The following CFH variants were observed in gnomAD, a reference collection of about 807,000 sequenced individuals.
The protein encoded by CFH is H factor 1 (complement).
A neutral mutation model predicts 147.3 loss-of-function variants in CFH; 53 were observed. The observed-to-expected ratio is 0.36, with a 90% CI of 0.29 to 0.45. The LOEUF (loss-of-function observed/expected upper bound fraction) is 0.45, where lower values mean the gene tolerates loss of function less well. Among genes scored for constraint, CFH ranks in the 20% least tolerant of loss-of-function variants. The pLI, the probability that CFH is intolerant of heterozygous loss-of-function variation, is 1.00. For synonymous variants in CFH, 536 were observed against 489.4 expected (o/e 1.10, Z -1.26); for missense variants, 1,380 against 1,498.0 (o/e 0.92, Z 1.30).
chr1:196,747,076 C>G (rs1365246448), intron 21 of CFH, 35 bp from the exon 22 acceptor site: 5 of 1,612,258 alleles, frequency 3.1e-6, no homozygotes, highest in Non-Finnish European at 4.2e-6. Flanking sequence ...TTGCATACTA[C>G]TTAATGTTTT....
In CFH at chr1:196,736,947, A is replaced by G; in HGVS notation, c.2537A>G (p.Gln846Arg). The G allele has an allele frequency of 3.1e-6, 5 of 1,611,998 alleles. No individual in the cohort carries two copies. The highest frequency in any genetic ancestry group is 4.2e-6 in the Non-Finnish European group (5 of 1,178,612). Residue 846 changes from glutamine to arginine, a missense_variant, in exon 16 of 22, where the codon CAG (glutamine) becomes CGG (arginine). Physicochemically the swap from Gln to Arg is conservative, Grantham distance 43. Coordinates refer to ENST00000367429, the MANE Select transcript of CFH (RefSeq NM_000186.4). ...SVLCQENYLI[Q>R]EGEEITCKDG... ...CTTTGCCAAGAAAATTATCTAATTC[A>G]GGAAGGAGAAGAAATTACATGCAAA...
rs1456388114 is a variant in CFH at position 196,679,693 on chromosome 1, T to C, written c.690T>C (p.Asn230=). 6.2e-7 allele frequency: 1 copy of C among 1,609,164 alleles called. No homozygotes were observed. The highest frequency in any genetic ancestry group is 8.5e-7 in the Non-Finnish European group (1 of 1,176,314). ...CTCAGAAGATTATTTATAAGGAGAA[T>C]GAACGATTTCAATATAAATGTAACA... ...PISQKIIYKE[N]ERFQYKCNMG... The change falls in exon 6 of 22, where the codon AAT becomes AAC. Residue 230 remains asparagine (N), a synonymous_variant. Coordinates refer to ENST00000367429, the MANE Select transcript of CFH (RefSeq NM_000186.4).
At position 196,728,511 on chromosome 1, in the gene CFH, T is replaced by G; in HGVS notation, c.2402T>G (p.Val801Gly). The change falls in exon 15 of 22, where the codon GTG becomes GGG. Residue 801 changes from valine (V) to glycine (G), a missense_variant. This residue lies in a region of CFH where 830 missense variants were observed against 821.4 expected (regional missense o/e 1.01). Transcript: ENST00000367429. ...VCINGRWDPE[V>G]NCSMAQIQLC... is the part of the protein sequence containing the mutation. ...ATAAATGGAAGATGGGATCCAGAAG[T>G]GAACTGCTCAAGTAAGCTCTTATTT... 1.9e-6 allele frequency: 3 copies of G among 1,612,626 alleles called. No individual in the cohort carries two copies. The highest frequency in any genetic ancestry group is 2.5e-6 in the Non-Finnish European group (3 of 1,178,974).
chr1:196,710,047 C>CACAG (rs1463545306), intron 9 of CFH, among the ~76,000 whole-genome samples: 3 of 82,870 alleles, frequency 3.6e-5, no homozygotes, highest in Non-Finnish European at 6.7e-5. Flanking sequence ...AACATACACA[C>CACAG]ACAGACACAC....
intron 5 of CFH, chr1:196,679,023 G>T (rs567415376): frequency 6.5e-6 from 1 of 153,072 alleles, no homozygotes; most frequent in African/African-American, 2.4e-5. Flanking sequence ...TATACACAAG[G>T]AAAATGGATT....
intron 9 of CFH, among the ~76,000 whole-genome samples, chr1:196,706,121 T>A (rs949715141): frequency 6.6e-6 from 1 of 151,944 alleles, no homozygotes; most frequent in Admixed American, 6.6e-5. Context: ...CCCTCTGGGT[T>A]CATCGGCACA....
chr1:196,701,625 C>T, intron 9 of CFH: 2 of 436,236 alleles, frequency 4.6e-6, no homozygotes, highest in East Asian at 4.2e-5. Context: ...ATCTGACAAT[C>T]TCGTAACTAT....
chr1:196,683,731 A>G (rs1383935750), intron 6 of CFH, among the ~76,000 whole-genome samples: 1 of 151,854 alleles, frequency 6.6e-6, no homozygotes, highest in Admixed American at 6.6e-5. Flanking sequence ...GACTTAAATC[A>G]GTATAGATAC....
intron 20 of CFH, among the ~76,000 whole-genome samples, chr1:196,744,882 G>A (rs1287207573): frequency 6.6e-6 from 1 of 151,920 alleles, no homozygotes; most frequent in Non-Finnish European, 1.5e-5. Flanking sequence ...TAGGTCTACT[G>A]GAGACAAATT....
chr1:196,726,737 A>G (rs764089376), intron 13 of CFH, 24 bp from the exon 14 acceptor site: 13 of 1,612,684 alleles, frequency 8.1e-6, no homozygotes, highest in African/African-American at 2.7e-5. Context: ...TTCACAATAA[A>G]CTTTTTTTGT....
intron 5 of CFH, chr1:196,677,927 G>A: frequency 2.3e-6 from 1 of 430,376 alleles, no homozygotes; most frequent in Non-Finnish European, 4.3e-6. Flanking sequence ...CACATGCCCT[G>A]GATTATCATG....
intron 2 of CFH, 124 bp downstream of exon 2, chr1:196,673,287 A>G: frequency 1.0e-6 from 1 of 975,978 alleles, no homozygotes; most frequent in South Asian, 1.5e-5. Context: ...ATAATACATA[A>G]TCTTTTTTTT....
intron 1 of CFH, among the ~76,000 whole-genome samples, chr1:196,661,185 T>C (rs912401597): frequency 1.3e-5 from 2 of 152,206 alleles, no homozygotes; most frequent in African/African-American, 2.4e-5. Context: ...AATCACATAT[T>C]ATATGAGTTC....
chr1:196,697,680 A>G (rs1322517971), intron 9 of CFH, among the ~76,000 whole-genome samples: 1 of 152,178 alleles, frequency 6.6e-6, no homozygotes, highest in Admixed American at 6.5e-5. Flanking sequence ...ATTATAAATC[A>G]TGCTGCTATA....
chr1:196,729,280 G>A (rs1397970805), intron 15 of CFH, among the ~76,000 whole-genome samples: 1 of 152,058 alleles, frequency 6.6e-6, no homozygotes, highest in African/African-American at 2.4e-5. Flanking sequence ...ATGCAGTGAA[G>A]TGTACATGTT....
chr1:196,665,137 C>G (rs1244711507), intron 1 of CFH, among the ~76,000 whole-genome samples: 2 of 151,560 alleles, frequency 1.3e-5, no homozygotes, highest in Admixed American at 6.6e-5. Context: ...CTATCCTACT[C>G]TAACATTTTT....
chr1:196,736,707 T>G, intron 15 of CFH, 117 bp from the exon 16 acceptor site: 1 of 399,058 alleles, frequency 2.5e-6, no homozygotes. Flanking sequence ...CAGTTATTGA[T>G]CTTTCTATTT....
At chr1:196,665,129 A>G (rs1667038082) in intron 1 of CFH, among the ~76,000 whole-genome samples, 1 of 151,602 alleles carries the variant, frequency 6.6e-6, no homozygotes, top group Admixed American at 6.6e-5. Flanking sequence ...TAAATGATCT[A>G]TCCTACTCTA....
intron 7 of CFH, 96 bp from the exon 8 acceptor site, chr1:196,689,321 TAAG>T (rs1279958127): frequency 1.8e-6 from 2 of 1,137,758 alleles, no homozygotes; most frequent in Non-Finnish European, 2.5e-6. Context: ...GTAATTATAC[TAAG>T]AAGAGAATAT....
Sources: gnomAD v4.1 joint callset for allele counts (sites outside exome capture counted in the v4.1 genomes callset) on GRCh38, gnomAD v4.1.1 for gene constraint, gnomAD v4.1.1 regional missense constraint, MANE v1.5 for transcripts, NCBI Gene and HGNC (gene_info 2026-07-23, HGNC 2026-07-21) for gene names.